The following PCDHGB5 variants were observed in gnomAD, a reference collection of about 807,000 sequenced individuals.
The protein encoded by PCDHGB5 is protocadherin gamma-B5.
Under a neutral mutation model 62.9 loss-of-function variants are expected in PCDHGB5, and 48 were observed. The ratio of observed to expected loss-of-function variants is 0.76; its 90% CI spans 0.61 to 0.97. The LOEUF (loss-of-function observed/expected upper bound fraction) is 0.97, where lower values mean the gene tolerates loss of function less well. PCDHGB5 is among the 50% of genes least tolerant of loss of function. The probability of loss-of-function intolerance (pLI) is 0.00; values close to 1 mark genes in which losing one functional copy is unlikely to be tolerated. For synonymous variants in PCDHGB5, 474 were observed against 511.2 expected (o/e 0.93, Z 0.98); for missense variants, 1,118 against 1,198.6 (o/e 0.93, Z 0.99).
chr5:141,436,185 A>G (rs1324749623), intron 1 of PCDHGB5, among the ~76,000 whole-genome samples: 1 of 152,142 alleles, frequency 6.6e-6, no homozygotes, highest in Non-Finnish European at 1.5e-5. Flanking sequence ...ATATAGTCAA[A>G]TAGAAAGAAA....
Position 141,476,348 on chromosome 5 carries a change from G to C in PCDHGB5, c.2398-18459G>C, listed in dbSNP as rs764669470. Reference sequence around the variant, plus strand: ...GTCTGGAGCTAGCCGAAGATTCTTTGAGGTGAACCGGGAGACCGGAGAGAT... The same window carrying C: ...GTCTGGAGCTAGCCGAAGATTCTTTCAGGTGAACCGGGAGACCGGAGAGAT... On this transcript the variant is annotated intron_variant, in intron 1 of 3. Transcript: ENST00000617380. The surrounding 1 kb of genome is among the most constrained non-coding windows in gnomAD (Gnocchi z 7.6). 2 of 1,614,190 alleles carry C rather than the reference G, an allele frequency of 1.2e-6. No individual in the cohort carries two copies. The highest frequency in any genetic ancestry group is 2.2e-5 in the South Asian group (2 of 91,078).
In PCDHGB5 at chr5:141,431,370, A is replaced by G; in HGVS notation, c.2397+30846A>G. ...CTGAAACGCGCCCTGGACCGCGAAG[A>G]AAAGGCTGCTCACCACCTGGTCCTT... is the stretch of plus-strand genomic sequence containing the variant. On this transcript the variant is annotated intron_variant, in intron 1 of 3. Coordinates refer to ENST00000617380, the MANE Select transcript of PCDHGB5 (RefSeq NM_018925.3). The surrounding 1 kb of genome is among the most constrained non-coding windows in gnomAD (Gnocchi z 4.8). 1 of 1,613,946 alleles carries G rather than the reference A, an allele frequency of 6.2e-7. No homozygotes were observed. The highest frequency in any genetic ancestry group is 8.5e-7 in the Non-Finnish European group (1 of 1,180,014).
Position 141,486,682 on chromosome 5 carries a change from A to C in PCDHGB5, c.2398-8125A>C, listed in dbSNP as rs781547951. 1.4e-5 allele frequency: 22 copies of C among 1,614,064 alleles called. No individual in the cohort carries two copies. The African/African-American group carries it at 2.3e-4, about 17-fold the overall frequency. ...TGGAGCCCAGGAATCGAGATGTATC[A>C]GCTTCCTCTTTCATCTCTCTGAACC... On this transcript the variant is annotated intron_variant, in intron 1 of 3. Coordinates refer to ENST00000617380, the MANE Select transcript of PCDHGB5 (RefSeq NM_018925.3). The surrounding 1 kb of genome is among the most constrained non-coding windows in gnomAD (Gnocchi z 5.0).
intron 1 of PCDHGB5, chr5:141,423,320 T>C: frequency 6.2e-7 from 1 of 1,614,148 alleles, no homozygotes; most frequent in Non-Finnish European, 8.5e-7. Flanking sequence ...GTGGTGGCGG[T>C]GGCCGCAGTC....
rs781580216 is a variant in PCDHGB5 at position 141,430,931 on chromosome 5, G to A, written c.2397+30407G>A. The stretch of plus-strand genomic sequence containing the variant: ...CAGGGACCTGGGGCTGGAGCCCCGG[G>A]AGCTCGCGGAGCGCGGAGTCCGCAT... On this transcript the variant is annotated intron_variant, in intron 1 of 3. Coordinates refer to ENST00000617380, the MANE Select transcript of PCDHGB5 (RefSeq NM_018925.3). The A allele has an allele frequency of 1.5e-5, 24 of 1,607,530 alleles. No individual in the cohort carries two copies. In the East Asian group the frequency reaches 4.9e-4, roughly 33 times the overall value.
chr5:141,401,765 G>C (rs2094191872), intron 1 of PCDHGB5, among the ~76,000 whole-genome samples: 1 of 152,138 alleles, frequency 6.6e-6, no homozygotes. Context: ...CATGGTATAA[G>C]TCTTTTGCTT....
chr5:141,485,930 G>A lies in PCDHGB5; in HGVS notation c.2398-8877G>A. ...ATCCAGCTACAGGATTAGTGTGTTG[G>A]AGAGCGCACCAGCGGGCATGGTGCT... On this transcript the variant is annotated intron_variant, in intron 1 of 3. Transcript: ENST00000617380. This position sits in a 1 kb window ranked among gnomAD's most constrained non-coding sequence, Gnocchi z 5.7. The A allele has an allele frequency of 6.2e-7, 1 of 1,614,178 alleles. No homozygotes were observed. Among genetic ancestry groups the A allele is most frequent in the Non-Finnish European group, 8.5e-7 (1 of 1,180,042 alleles).
chr5:141,434,650 C>A (rs931043426), intron 1 of PCDHGB5, among the ~76,000 whole-genome samples: 6 of 152,092 alleles, frequency 3.9e-5, no homozygotes, highest in Non-Finnish European at 5.9e-5. Context: ...TTTAGTTAAT[C>A]TAATATCTAT....
At chr5:141,414,926 G>T (rs2095802657) in intron 1 of PCDHGB5, 3 of 1,614,114 alleles carry the variant, frequency 1.9e-6, no homozygotes, top group Admixed American at 1.7e-5. Flanking sequence ...CTGGCGCCCC[G>T]CTCCGCAGAG....
At chr5:141,428,466 A>G (rs1230267635) in intron 1 of PCDHGB5, 1 of 344,756 alleles carries the variant, frequency 2.9e-6, no homozygotes, top group Admixed American at 4.1e-5. Context: ...ACAATGAGGG[A>G]ACTTTGCTTT....
chr5:141,426,090 T>G (rs545457395), intron 1 of PCDHGB5, among the ~76,000 whole-genome samples: 1 of 152,246 alleles, frequency 6.6e-6, no homozygotes, highest in African/African-American at 2.4e-5. Context: ...CAGGACGATA[T>G]TCTGTTCAGT....
chr5:141,405,698 G>C (rs1274236930), intron 1 of PCDHGB5, among the ~76,000 whole-genome samples: 1 of 152,128 alleles, frequency 6.6e-6, no homozygotes, highest in Non-Finnish European at 1.5e-5. Flanking sequence ...GGCTGGTCTT[G>C]AATTCCTAAC....
At chr5:141,426,825 A>G (rs747894160) in intron 1 of PCDHGB5, 26 of 456,582 alleles carry the variant, frequency 5.7e-5, no homozygotes, top group Non-Finnish European at 9.3e-5. Context: ...CTCTCTGATG[A>G]TGGACAAGAC....
intron 3 of PCDHGB5, among the ~76,000 whole-genome samples, chr5:141,505,782 T>A (rs1163025757): frequency 6.6e-6 from 1 of 152,204 alleles, no homozygotes; most frequent in Non-Finnish European, 1.5e-5. Context: ...CTAGCTCTGC[T>A]ACTATCCTTG....
At chr5:141,413,650 C>T (rs1384444202) in intron 1 of PCDHGB5, 2 of 1,613,714 alleles carry the variant, frequency 1.2e-6, no homozygotes, top group Non-Finnish European at 1.7e-6. Flanking sequence ...TTTTCCTCTC[C>T]CGGAAGCTAT....
chr5:141,487,391 A>C lies in PCDHGB5; in HGVS notation c.2398-7416A>C. 1 of 1,614,090 alleles carries C rather than the reference A, an allele frequency of 6.2e-7. No homozygotes were observed. The highest frequency in any genetic ancestry group is 1.1e-5 in the South Asian group (1 of 91,078). ...TGCCTGTCTCACCAGATCTCGAAGG[A>C]GGGAGGGGCTTCCCCCTTCCAATGG... On this transcript the variant is annotated intron_variant, in intron 1 of 3. Transcript: ENST00000617380. The surrounding 1 kb of genome is among the most constrained non-coding windows in gnomAD (Gnocchi z 5.0).
chr5:141,403,247 A>T, intron 1 of PCDHGB5: 1 of 1,613,910 alleles, frequency 6.2e-7, no homozygotes, highest in Middle Eastern at 1.6e-4. Flanking sequence ...CTGTGCTCAG[A>T]GCCCGCGGTG....
At chr5:141,494,736 T>C in intron 1 of PCDHGB5, 71 bp from the exon 2 acceptor site, 1 of 1,611,858 alleles carries the variant, frequency 6.2e-7, no homozygotes, top group Non-Finnish European at 8.5e-7. Context: ...TCCCGGCCCA[T>C]CCCTAGGGGC....
chr5:141,454,998 G>C (rs909142112), intron 1 of PCDHGB5, among the ~76,000 whole-genome samples: 27 of 151,220 alleles, frequency 1.8e-4, no homozygotes, highest in African/African-American at 5.8e-4. Context: ...ATTTTTAGTA[G>C]AGACGGGGTT....
Sources: allele counts gnomAD v4.1 joint callset (sites outside exome capture counted in the v4.1 genomes callset), GRCh38; gene constraint gnomAD v4.1.1; non-coding constraint Gnocchi (gnomAD v3.1); transcripts MANE v1.5; gene names NCBI Gene and HGNC (gene_info 2026-07-23, HGNC 2026-07-21).